Variants in EYS observed in about 807,000 individuals in gnomAD.
The protein encoded by EYS is EGF-like photoreceptor maintenance factor.
EYS carries 250 observed loss-of-function variants against 282.1 expected under a neutral mutation model. That is an observed-to-expected ratio of 0.89 (90% CI 0.80 to 0.98). The LOEUF is 0.98. Among genes scored for constraint, EYS ranks in the 50% least tolerant of loss-of-function variants. The pLI is 0.00. For missense variants in EYS, 4,016 were observed against 3,709.0 expected, an observed-to-expected ratio of 1.08 and a Z score of -2.15; for synonymous variants, 1,355 against 1,282.9, an observed-to-expected ratio of 1.06 and a Z score of -1.20.
rs1766755251 is a variant in EYS at position 65,230,932 on chromosome 6, A to G, written c.2023+64931T>C. On this transcript the variant is annotated intron_variant, in intron 12 of 42. Transcript: ENST00000503581. ...CTGGCAGTATTTAAGAAAAACAAAA[A>G]GTGAATATATATTTCATACTAGGCT... Among the ~76,000 whole-genome samples, 4 of 151,204 alleles carry G rather than the reference A, an allele frequency of 2.6e-5. No homozygotes were observed. The South Asian group carries it at 8.3e-4, about 31-fold the overall frequency.
intron 36 of EYS, among the ~76,000 whole-genome samples, chr6:63,851,289 T>G (rs1204101453): frequency 6.6e-6 from 1 of 152,026 alleles, no homozygotes; most frequent in African/African-American, 2.4e-5. Context: ...ACAAGAATAT[T>G]CAGGATGTGA....
chr6:65,173,755 G>A (rs1034860529), intron 12 of EYS, among the ~76,000 whole-genome samples: 2 of 151,138 alleles, frequency 1.3e-5, no homozygotes, highest in African/African-American at 2.4e-5. Flanking sequence ...ATATATAGAT[G>A]TAATTCTGTT....
chr6:64,295,119 A>G (rs990640784), intron 30 of EYS, among the ~76,000 whole-genome samples: 15 of 151,574 alleles, frequency 9.9e-5, no homozygotes, highest in African/African-American at 3.6e-4. Flanking sequence ...TCACGCCTGT[A>G]ACCCCAGCAC....
chr6:65,437,956 A>G (rs1016231827), intron 5 of EYS, among the ~76,000 whole-genome samples: 5 of 151,444 alleles, frequency 3.3e-5, no homozygotes, highest in African/African-American at 4.8e-5. Flanking sequence ...TGCTGCACCC[A>G]TTAACTCATC....
chr6:64,671,207 A>G (rs984380616), intron 22 of EYS, among the ~76,000 whole-genome samples: 1 of 152,142 alleles, frequency 6.6e-6, no homozygotes, highest in African/African-American at 2.4e-5. Flanking sequence ...GTCTCCCCAA[A>G]ATTCATACAT....
At chr6:65,142,367 A>G (rs577923629) in intron 12 of EYS, among the ~76,000 whole-genome samples, 24 of 152,050 alleles carry the variant, frequency 1.6e-4, no homozygotes, top group African/African-American at 5.8e-4. Context: ...CAGTTTCAAC[A>G]CTTCACTCAA....
At chr6:64,385,084 C>T (rs1374014949) in intron 29 of EYS, among the ~76,000 whole-genome samples, 1 of 152,146 alleles carries the variant, frequency 6.6e-6, no homozygotes, top group Non-Finnish European at 1.5e-5. Context: ...GCCTACTGTG[C>T]TTAAACAGCT....
intron 22 of EYS, among the ~76,000 whole-genome samples, chr6:64,685,610 T>G (rs992718054): frequency 2.6e-5 from 4 of 152,168 alleles, no homozygotes; most frequent in Non-Finnish European, 5.9e-5. Flanking sequence ...CCCTTTCACA[T>G]TCCTCCACGA....
chr6:65,480,490 ATTATAC>A (rs1373178146), intron 5 of EYS, among the ~76,000 whole-genome samples: 2 of 152,278 alleles, frequency 1.3e-5, no homozygotes, highest in African/African-American at 2.4e-5. Context: ...ATAATTCCAA[ATTATAC>A]TTATATTTCT....
intron 12 of EYS, among the ~76,000 whole-genome samples, chr6:65,199,114 T>C (rs1363024725): frequency 1.3e-5 from 2 of 152,148 alleles, no homozygotes; most frequent in Non-Finnish European, 2.9e-5. Flanking sequence ...TGATTTAGTT[T>C]AAAGGAGCAT....
chr6:64,734,023 A>G (rs1280026570), intron 22 of EYS, among the ~76,000 whole-genome samples: 1 of 152,212 alleles, frequency 6.6e-6, no homozygotes, highest in Non-Finnish European at 1.5e-5. Context: ...TTAAAACAAT[A>G]AAACAAACGA....
At chr6:65,554,766 A>T (rs1768734006) in intron 2 of EYS, among the ~76,000 whole-genome samples, 1 of 152,206 alleles carries the variant, frequency 6.6e-6, no homozygotes, top group South Asian at 2.1e-4. Flanking sequence ...GATTCATAAA[A>T]TGGCACAAAG....
intron 26 of EYS, among the ~76,000 whole-genome samples, chr6:64,477,119 T>A (rs985832227): frequency 2.0e-5 from 3 of 152,170 alleles, no homozygotes; most frequent in Admixed American, 2.0e-4. Flanking sequence ...GTTTTTTCAA[T>A]GTGAATTATG....
At chr6:64,875,330 A>G (rs1766712848) in intron 19 of EYS, among the ~76,000 whole-genome samples, 1 of 152,022 alleles carries the variant, frequency 6.6e-6, no homozygotes, top group Non-Finnish European at 1.5e-5. Flanking sequence ...AAAGCCCTGC[A>G]CTTTGGGAAT....
rs57961728 is a variant in EYS, at chr6:65,029,302, T to A, written c.2137+28312A>T. ...GAAAGAGTTAGGAAATATGTGCATGTGTGGGTATGTATGCATACATACATA... is the reference window on the plus strand; with the variant it reads ...GAAAGAGTTAGGAAATATGTGCATGAGTGGGTATGTATGCATACATACATA... On this transcript the variant is annotated intron_variant, in intron 13 of 42. Coordinates refer to ENST00000503581, the MANE Select transcript of EYS (RefSeq NM_001142800.2). Among the ~76,000 whole-genome samples the A allele has an allele frequency of 1.3e-3, 200 of 152,244 alleles. 3 individuals are homozygous for A. Among genetic ancestry groups the A allele is most frequent in the African/African-American group, 4.4e-3 (183 of 41,562 alleles).
intron 19 of EYS, among the ~76,000 whole-genome samples, chr6:64,841,271 TA>T (rs999873420): frequency 1.3e-5 from 2 of 152,166 alleles, no homozygotes; most frequent in South Asian, 4.1e-4. Flanking sequence ...AACCACTTAT[TA>T]AATTTTACCT....
rs1288324056 is a variant in EYS at position 64,032,612 on chromosome 6, AG to A, written c.6726-33430del. ...CTTCAGATGTCAATCTGAAGTAAGT[AG>A]TGGGTCTCTAGATTACCTATACATT... is the stretch of plus-strand genomic sequence containing the variant. On this transcript the variant is annotated intron_variant, in intron 33 of 42. Transcript: ENST00000503581. Among the ~76,000 whole-genome samples, 5 of 152,198 alleles carry A rather than the reference AG, an allele frequency of 3.3e-5. 1 individual carries two copies. The highest frequency in any genetic ancestry group is 6.5e-5 in the Admixed American group (1 of 15,284).
At chr6:65,289,898 TG>T (rs1217329882) in intron 12 of EYS, among the ~76,000 whole-genome samples, 3 of 151,130 alleles carry the variant, frequency 2.0e-5, no homozygotes, top group Non-Finnish European at 4.5e-5. Flanking sequence ...TTAGTAATCA[TG>T]TTCTTTATTA....
chr6:65,477,162 T>A (rs1582348260), intron 5 of EYS, among the ~76,000 whole-genome samples: 1 of 152,118 alleles, frequency 6.6e-6, no homozygotes, highest in South Asian at 2.1e-4. Context: ...TAAATTTAAC[T>A]TTCTAGATTT....
Sources: gnomAD v4.1 joint callset for allele counts (sites outside exome capture counted in the v4.1 genomes callset) on GRCh38, gnomAD v4.1.1 for gene constraint, MANE v1.5 for transcripts, NCBI Gene and HGNC (gene_info 2026-07-23, HGNC 2026-07-21) for gene names.